Variants in STK3 observed in about 807,000 individuals in gnomAD.
The protein encoded by STK3 is serine/threonine-protein kinase 3.
Under a neutral mutation model 58.0 loss-of-function variants are expected in STK3, and 41 were observed. That is an observed-to-expected ratio of 0.71 (90% CI 0.55 to 0.92). STK3 has a LOEUF of 0.92. Ranked by LOEUF, STK3 falls within the 40% of genes least tolerant of loss-of-function variation. STK3 has a pLI of 0.00. For synonymous variants in STK3, 170 were observed against 191.0 expected, an observed-to-expected ratio of 0.89 and a Z score of 0.91; for missense variants, 479 against 602.7, an observed-to-expected ratio of 0.79 and a Z score of 2.15.
At chr8:98,938,577 T>C (rs1286453823) in intron 1 of STK3, among the ~76,000 whole-genome samples, 1 of 152,160 alleles carries the variant, frequency 6.6e-6, no homozygotes, top group Non-Finnish European at 1.5e-5. Context: ...TGGGAGCCAG[T>C]GTGCACCAAG....
At chr8:98,819,224 T>C (rs925867559) in intron 1 of STK3, among the ~76,000 whole-genome samples, 2 of 152,124 alleles carry the variant, frequency 1.3e-5, no homozygotes, top group African/African-American at 4.8e-5. Context: ...GCTCAAGCAA[T>C]TGTCCCACCT....
At chr8:98,865,232 C>G (rs1837090165) in intron 3 of STK3, among the ~76,000 whole-genome samples, 1 of 152,118 alleles carries the variant, frequency 6.6e-6, no homozygotes, top group African/African-American at 2.4e-5. Flanking sequence ...TCTACAAAAA[C>G]TTTCTTAACA....
At chr8:98,513,781 T>C (rs1824711196) in intron 10 of STK3, among the ~76,000 whole-genome samples, 1 of 152,110 alleles carries the variant, frequency 6.6e-6, no homozygotes, top group Non-Finnish European at 1.5e-5. Context: ...CCATGGCTCA[T>C]ATGAGAGAAC....
intron 6 of STK3, among the ~76,000 whole-genome samples, chr8:98,701,652 A>G (rs1825632731): frequency 6.6e-6 from 1 of 151,078 alleles, no homozygotes; most frequent in Non-Finnish European, 1.5e-5. Flanking sequence ...ATATATCTAT[A>G]CACACACATA....
chr8:98,575,000 T>C (rs931702326), intron 8 of STK3, among the ~76,000 whole-genome samples: 6 of 152,142 alleles, frequency 3.9e-5, no homozygotes, highest in Non-Finnish European at 8.8e-5. Flanking sequence ...TGACCCACCA[T>C]TGTACATTGG....
intron 1 of STK3, among the ~76,000 whole-genome samples, chr8:98,821,907 C>T (rs1244255804): frequency 6.6e-6 from 1 of 152,110 alleles, no homozygotes; most frequent in African/African-American, 2.4e-5. Context: ...CTGGGCTACA[C>T]ACTGGAATCT....
intron 1 of STK3, among the ~76,000 whole-genome samples, chr8:98,927,372 CTA>C (rs1022170522): frequency 6.6e-6 from 1 of 152,162 alleles, no homozygotes; most frequent in African/African-American, 2.4e-5. Context: ...AAGGGTGGGA[CTA>C]TGTCTCAGAT....
chr8:98,507,745 C>A (rs1824204171), intron 10 of STK3, among the ~76,000 whole-genome samples: 1 of 152,148 alleles, frequency 6.6e-6, no homozygotes, highest in South Asian at 2.1e-4. Flanking sequence ...AGTGTTCCCC[C>A]AACACACCAA....
In STK3 at chr8:98,484,037, G is replaced by C. The variant is rs569444560; in HGVS notation, c.1318-28037C>G. On this transcript the variant is annotated intron_variant, in intron 10 of 10. Transcript: ENST00000419617. ...CTCCACTGATTTGGCCTTGAACATA[G>C]ACTGAATGAGAAGATTTAGTTTCCC... 9.0e-5 allele frequency among the ~76,000 whole-genome samples: 11 copies of C among 122,432 alleles called. No individual in the cohort carries two copies. The South Asian group carries it at 2.6e-3, about 29-fold the overall frequency. 80.3% of individuals were successfully genotyped at this position (122,432 alleles called of 152,430 possible).
intron 4 of STK3, among the ~76,000 whole-genome samples, chr8:98,716,753 A>G (rs1209583569): frequency 6.6e-6 from 1 of 152,186 alleles, no homozygotes; most frequent in East Asian, 1.9e-4. Context: ...AAATTCTCAT[A>G]GTTCCTGATT....
At chr8:98,690,055 A>C (rs923586344) in intron 6 of STK3, among the ~76,000 whole-genome samples, 2 of 152,202 alleles carry the variant, frequency 1.3e-5, no homozygotes, top group Non-Finnish European at 2.9e-5. Context: ...TAACATAATA[A>C]GAGGTATCTA....
At chr8:98,791,084 C>G (rs1456599290) in intron 1 of STK3, among the ~76,000 whole-genome samples, 1 of 151,976 alleles carries the variant, frequency 6.6e-6, no homozygotes, top group Admixed American at 6.6e-5. Context: ...AAGACTCCCA[C>G]AGAAAGCTCC....
At chr8:98,645,920 G>A (rs546317308) in intron 6 of STK3, among the ~76,000 whole-genome samples, 5 of 152,092 alleles carry the variant, frequency 3.3e-5, no homozygotes, top group Admixed American at 6.6e-5. Flanking sequence ...CACCCACCTC[G>A]AACTCCCAAA....
At chr8:98,374,064 C>A (rs1400127644) in intron 2 of STK3, among the ~76,000 whole-genome samples, 3 of 152,180 alleles carry the variant, frequency 2.0e-5, no homozygotes, top group Admixed American at 6.5e-5. Flanking sequence ...AGTGTGAAAA[C>A]AGTAGCATTC....
intron 1 of STK3, among the ~76,000 whole-genome samples, chr8:98,901,068 C>T (rs1838639748): frequency 6.6e-6 from 1 of 152,150 alleles, no homozygotes. Context: ...TCTTTAATCA[C>T]AAAATCAGTG....
At chr8:98,478,585 G>T (rs1050036485) in intron 10 of STK3, among the ~76,000 whole-genome samples, 1 of 152,130 alleles carries the variant, frequency 6.6e-6, no homozygotes, top group African/African-American at 2.4e-5. Context: ...AAAACTAGCT[G>T]CAGGAAAGAA....
upstream of STK3, among the ~76,000 whole-genome samples, chr8:98,388,569 T>C (rs1817816145): frequency 6.6e-6 from 1 of 152,144 alleles, no homozygotes; most frequent in African/African-American, 2.4e-5. Context: ...TTCCAGGAAA[T>C]ACAAGAGATA....
At chr8:98,923,212 T>TA (rs547618131) in intron 1 of STK3, among the ~76,000 whole-genome samples, 103 of 152,224 alleles carry the variant, frequency 6.8e-4, no homozygotes, top group Non-Finnish European at 7.8e-4. Context: ...AGGTATGAAA[T>TA]AAAAAAAGAA....
chr8:98,400,950 C>G (rs74799689), downstream of STK3, among the ~76,000 whole-genome samples: 1 of 152,030 alleles, frequency 6.6e-6, no homozygotes, highest in Non-Finnish European at 1.5e-5. Context: ...ATTCCTCCAT[C>G]GAGAGATGGC....
Sources: gnomAD v4.1 joint callset for allele counts (sites outside exome capture counted in the v4.1 genomes callset) on GRCh38, gnomAD v4.1.1 for gene constraint, MANE v1.5 for transcripts, NCBI Gene and HGNC (gene_info 2026-07-23, HGNC 2026-07-21) for gene names.